TFDP2: variants seen among roughly 807,000 people sequenced by gnomAD.
TFDP2 encodes transcription factor Dp-2.
TFDP2 carries 17 observed loss-of-function variants against 59.3 expected under a neutral mutation model. The ratio of observed to expected loss-of-function variants is 0.29; its 90% confidence interval spans 0.20 to 0.43. The LOEUF (loss-of-function observed/expected upper bound fraction) is 0.43. Ranked by LOEUF, TFDP2 falls within the 20% of genes least tolerant of loss-of-function variation. The pLI, the probability that TFDP2 is intolerant of heterozygous loss-of-function variation, is 1.00. For missense variants in TFDP2, 391 were observed against 528.8 expected (o/e 0.74, Z 2.56); for synonymous variants, 180 against 194.7 (o/e 0.92, Z 0.63).
intron 1 of TFDP2, among the ~76,000 whole-genome samples, chr3:142,144,862 T>C (rs1001522279): frequency 3.3e-5 from 5 of 152,108 alleles, no homozygotes; most frequent in African/African-American, 9.7e-5. Flanking sequence ...AAAACATACA[T>C]GCATTTTTAA....
chr3:142,081,644 G>A (rs2060641798), intron 3 of TFDP2, among the ~76,000 whole-genome samples: 1 of 152,056 alleles, frequency 6.6e-6, no homozygotes, highest in South Asian at 2.1e-4. Context: ...CAAAAAAGGA[G>A]ACATTAAAAT....
At chr3:142,071,478 T>C (rs1487717590) in intron 3 of TFDP2, among the ~76,000 whole-genome samples, 2 of 152,196 alleles carry the variant, frequency 1.3e-5, no homozygotes, top group African/African-American at 2.4e-5. Flanking sequence ...ATTTAAATTG[T>C]AGTTTGGACT....
intron 3 of TFDP2, among the ~76,000 whole-genome samples, chr3:142,014,594 G>A (rs1039075666): frequency 2.6e-5 from 4 of 151,946 alleles, no homozygotes; most frequent in African/African-American, 9.7e-5. Context: ...ATATTAATTA[G>A]TAAGATGCTA....
intron 2 of TFDP2, chr3:142,094,009 C>T (rs533889166): frequency 2.0e-6 from 1 of 493,880 alleles, no homozygotes; most frequent in African/African-American, 2.0e-5. Context: ...TATGAATTCA[C>T]TTTTAGATAA....
intron 7 of TFDP2, among the ~76,000 whole-genome samples, chr3:141,977,130 C>CTTTTTTTT (rs1559959815): frequency 0.02 from 2,210 of 111,986 alleles, 153 homozygotes; most frequent in Non-Finnish European, 0.029. Flanking sequence ...TTTTTTTTTC[C>CTTTTTTTT]CCCCAAAGAG....
intron 11 of TFDP2, 120 bp downstream of exon 11, chr3:141,959,554 C>T (rs1559919773): frequency 6.6e-6 from 7 of 1,053,912 alleles, no homozygotes; most frequent in Non-Finnish European, 8.4e-6. Context: ...TTAAAGGTTT[C>T]AGTTTGTCGA....
At chr3:142,033,925 C>G (rs1366442839) in intron 3 of TFDP2, among the ~76,000 whole-genome samples, 5 of 152,104 alleles carry the variant, frequency 3.3e-5, no homozygotes, top group Non-Finnish European at 7.4e-5. Context: ...TCTTCAGAAA[C>G]TTTAATATTT....
intron 3 of TFDP2, among the ~76,000 whole-genome samples, chr3:142,039,167 T>C (rs1946836055): frequency 6.6e-6 from 1 of 152,256 alleles, no homozygotes; most frequent in Non-Finnish European, 1.5e-5. Flanking sequence ...TGAGTTTAAT[T>C]ACTAGTGAAG....
intron 11 of TFDP2, among the ~76,000 whole-genome samples, chr3:141,955,079 G>A (rs1286120109): frequency 6.6e-6 from 1 of 152,154 alleles, no homozygotes; most frequent in African/African-American, 2.4e-5. Context: ...ATCTTGTGCT[G>A]AATATTAATT....
chr3:141,983,899 T>C (rs578169609), intron 6 of TFDP2, among the ~76,000 whole-genome samples: 1 of 152,282 alleles, frequency 6.6e-6, no homozygotes, highest in South Asian at 2.1e-4. Flanking sequence ...GAAAACAATA[T>C]GGCAATTTCT....
chr3:141,971,511 C>T (rs2901948), intron 8 of TFDP2, among the ~76,000 whole-genome samples: 49,157 of 151,356 alleles, frequency 0.32, 8,157 homozygotes, highest in African/African-American at 0.4. Flanking sequence ...GATTGCGCCA[C>T]TGAACTCCAG....
intron 9 of TFDP2, 112 bp from the exon 10 acceptor site, chr3:141,964,075 T>C (rs949634490): frequency 2.2e-5 from 21 of 933,988 alleles, no homozygotes; most frequent in Non-Finnish European, 3.3e-5. Flanking sequence ...TAAAGAGACA[T>C]CCCGCCTGCA....
intron 9 of TFDP2, among the ~76,000 whole-genome samples, chr3:141,969,383 C>T (rs570057809): frequency 4.6e-4 from 69 of 149,622 alleles, no homozygotes; most frequent in East Asian, 1.6e-3. Flanking sequence ...GAGGCTGAGG[C>T]GGGTGGATCA....
chr3:142,095,938 TTTG>T (rs1273753137), intron 2 of TFDP2, among the ~76,000 whole-genome samples: 2 of 152,210 alleles, frequency 1.3e-5, no homozygotes, highest in Non-Finnish European at 2.9e-5. Context: ...TTTATACCTT[TTTG>T]TTATTATACA....
At chr3:141,970,051 G>A in intron 9 of TFDP2, 22 bp downstream of exon 9, 1 of 1,610,360 alleles carries the variant, frequency 6.2e-7, no homozygotes, top group Non-Finnish European at 8.5e-7. Context: ...GGAAGGTAAT[G>A]AAAACATCTC....
intron 1 of TFDP2, among the ~76,000 whole-genome samples, chr3:142,128,104 CT>C (rs1335145054): frequency 6.6e-6 from 1 of 152,070 alleles, no homozygotes; most frequent in Non-Finnish European, 1.5e-5. Flanking sequence ...ACTCAGGAGG[CT>C]GAGGTGGGAC....
chr3:141,969,448 T>G (rs888669330), intron 9 of TFDP2, among the ~76,000 whole-genome samples: 1 of 150,648 alleles, frequency 6.6e-6, no homozygotes, highest in African/African-American at 2.4e-5. Flanking sequence ...CCGTCTCTAC[T>G]AAAAATACGA....
rs1249418860 is a variant in TFDP2 at position 141,969,152 on chromosome 3, GAT to G, written c.732+919_732+920del. Reference sequence around the variant, plus strand: ...TAACATATATATCCCATATATATGAGATATATATATAACATATATATATATCT... The same window carrying G: ...TAACATATATATCCCATATATATGAGATATATATAACATATATATATATCT... On this transcript the variant is annotated intron_variant, in intron 9 of 12. Transcript: ENST00000489671. Among the ~76,000 whole-genome samples the G allele has an allele frequency of 2.1e-4, 14 of 67,240 alleles. 2 individuals are homozygous for G. The highest frequency in any genetic ancestry group is 8.6e-4 in the African/African-American group (9 of 10,476). The allele number at this position is 67,240 out of a possible 152,430, so 44.1% of individuals were successfully genotyped here. A position where few individuals can be genotyped will look rare whatever the true frequency, so the allele number is the denominator to read the frequency against.
chr3:142,140,812 G>T (rs535006371), intron 1 of TFDP2, among the ~76,000 whole-genome samples: 5 of 152,316 alleles, frequency 3.3e-5, no homozygotes, highest in Non-Finnish European at 5.9e-5. Context: ...CTACTGGGAG[G>T]TGTCTCCCAG....
Sources: gnomAD v4.1 joint callset for allele counts (sites outside exome capture counted in the v4.1 genomes callset) on GRCh38, gnomAD v4.1.1 for gene constraint, MANE v1.5 for transcripts, NCBI Gene and HGNC (gene_info 2026-07-23, HGNC 2026-07-21) for gene names.